The following B3GALT1 variants were observed in gnomAD, a reference collection of about 807,000 sequenced individuals.
The protein encoded by B3GALT1 is beta-1,3-galactosyltransferase 1.
B3GALT1 carries 10 observed loss-of-function variants against 23.2 expected under a neutral mutation model. That is an observed-to-expected ratio of 0.43 (90% CI 0.27 to 0.73). B3GALT1 has a LOEUF of 0.73. B3GALT1 is among the 30% of genes least tolerant of loss of function. The probability of loss-of-function intolerance (pLI) is 0.21; values close to 1 mark genes in which losing one functional copy is unlikely to be tolerated. For synonymous variants in B3GALT1, 156 were observed against 141.5 expected, an observed-to-expected ratio of 1.10 and a Z score of -0.73; for missense variants, 299 against 405.4, an observed-to-expected ratio of 0.74 and a Z score of 2.25.
At chr2:167,312,936 A>T (rs1308851119) in intron 1 of B3GALT1, among the ~76,000 whole-genome samples, 1 of 152,118 alleles carries the variant, frequency 6.6e-6, no homozygotes, top group Non-Finnish European at 1.5e-5. Context: ...CATAAGTAGG[A>T]TAATTAAAAA....
chr2:167,323,043 T>G (rs2105494186), intron 1 of B3GALT1, among the ~76,000 whole-genome samples: 1 of 152,208 alleles, frequency 6.6e-6, no homozygotes, highest in South Asian at 2.1e-4. Context: ...ATGCCTCTAT[T>G]TTCCATTTTC....
At chr2:167,515,454 A>G (rs561646612) in intron 2 of B3GALT1, among the ~76,000 whole-genome samples, 6 of 152,298 alleles carry the variant, frequency 3.9e-5, no homozygotes, top group East Asian at 3.9e-4. Context: ...GAATAGTGTT[A>G]GTTAACACAG....
At chr2:167,863,640 C>T (rs1690149427) in intron 4 of B3GALT1, among the ~76,000 whole-genome samples, 1 of 152,168 alleles carries the variant, frequency 6.6e-6, no homozygotes, top group East Asian at 1.9e-4. Context: ...TTTAGAGTTC[C>T]GTGCATCATG....
chr2:167,712,528 C>T (rs1253151698), intron 3 of B3GALT1, among the ~76,000 whole-genome samples: 1 of 151,770 alleles, frequency 6.6e-6, no homozygotes, highest in African/African-American at 2.4e-5. Flanking sequence ...CTCAGCTTGG[C>T]CCATGCTTGA....
chr2:167,352,977 AT>A (rs2105257078), intron 1 of B3GALT1, among the ~76,000 whole-genome samples: 1 of 152,310 alleles, frequency 6.6e-6, no homozygotes, highest in African/African-American at 2.4e-5. Flanking sequence ...CCAAGAGATT[AT>A]TGATAATATA....
At chr2:167,368,279 T>A (rs1002737771) in intron 1 of B3GALT1, among the ~76,000 whole-genome samples, 1 of 152,162 alleles carries the variant, frequency 6.6e-6, no homozygotes, top group South Asian at 2.1e-4. Flanking sequence ...TTTATCCCAA[T>A]TTTTTTATTG....
At chr2:167,845,723 C>T (rs1689743367) in intron 4 of B3GALT1, among the ~76,000 whole-genome samples, 1 of 150,078 alleles carries the variant, frequency 6.7e-6, no homozygotes, top group Admixed American at 6.7e-5. Flanking sequence ...CCCGCAACAA[C>T]AAAATCACAC....
At chr2:167,652,727 T>C (rs949064314) in intron 3 of B3GALT1, among the ~76,000 whole-genome samples, 1 of 152,180 alleles carries the variant, frequency 6.6e-6, no homozygotes, top group African/African-American at 2.4e-5. Flanking sequence ...CCCTCTATAA[T>C]AGGTGCTTTT....
At chr2:167,633,107 C>T (rs894817937) in intron 2 of B3GALT1, among the ~76,000 whole-genome samples, 2 of 151,888 alleles carry the variant, frequency 1.3e-5, no homozygotes, top group African/African-American at 2.4e-5. Flanking sequence ...AGTTGGAAAA[C>T]AGTGTTCAGG....
intron 2 of B3GALT1, among the ~76,000 whole-genome samples, chr2:167,548,685 AGTGTGTGT>A (rs71031297): frequency 3.4e-4 from 49 of 144,810 alleles, no homozygotes; most frequent in Middle Eastern, 3.4e-3. Context: ...CGTGTGTGTG[AGTGTGTGT>A]GTGTGTGTGT....
At chr2:167,838,877 G>A (rs543534274) in intron 4 of B3GALT1, among the ~76,000 whole-genome samples, 44 of 152,176 alleles carry the variant, frequency 2.9e-4, no homozygotes, top group Admixed American at 9.2e-4. Flanking sequence ...TTCAATATAC[G>A]CAAATCAATA....
intron 1 of B3GALT1, among the ~76,000 whole-genome samples, chr2:167,426,622 C>G (rs1334852442): frequency 2.0e-5 from 3 of 152,060 alleles, no homozygotes; most frequent in Admixed American, 2.0e-4. Flanking sequence ...TTTCCACTAC[C>G]CAGCACATTG....
At chr2:167,811,422 T>C (rs1040605925) in intron 3 of B3GALT1, among the ~76,000 whole-genome samples, 6 of 152,352 alleles carry the variant, frequency 3.9e-5, no homozygotes, top group African/African-American at 1.2e-4. Flanking sequence ...AAGGAAAATA[T>C]GTCCAATTTG....
chr2:167,793,864 G>A (rs1279836311), intron 3 of B3GALT1, among the ~76,000 whole-genome samples: 1 of 152,182 alleles, frequency 6.6e-6, no homozygotes, highest in Non-Finnish European at 1.5e-5. Flanking sequence ...AATTCCCTGA[G>A]CACATTTCCT....
intron 1 of B3GALT1, among the ~76,000 whole-genome samples, chr2:167,301,028 A>G (rs1696435402): frequency 2.6e-5 from 4 of 152,174 alleles, no homozygotes. Context: ...AAAGAGGCTC[A>G]TATTCATCAT....
At chr2:167,431,167 T>C (rs1482149391) in intron 1 of B3GALT1, among the ~76,000 whole-genome samples, 2 of 152,192 alleles carry the variant, frequency 1.3e-5, no homozygotes, top group African/African-American at 4.8e-5. Flanking sequence ...TGAATAATCA[T>C]CCGACCTTCA....
intron 1 of B3GALT1, among the ~76,000 whole-genome samples, chr2:167,329,583 T>C (rs1180798365): frequency 2.0e-5 from 3 of 152,206 alleles, no homozygotes; most frequent in Admixed American, 6.5e-5. Flanking sequence ...CCACTATTAT[T>C]GTACTGCAGT....
intron 1 of B3GALT1, among the ~76,000 whole-genome samples, chr2:167,456,636 C>G (rs1426384848): frequency 6.6e-6 from 1 of 152,158 alleles, no homozygotes; most frequent in Non-Finnish European, 1.5e-5. Context: ...TCGAATCCCC[C>G]CTCAGGTTTG....
intron 2 of B3GALT1, among the ~76,000 whole-genome samples, chr2:167,620,590 A>C (rs1685237620): frequency 1.3e-5 from 2 of 152,118 alleles, no homozygotes; most frequent in Admixed American, 6.6e-5. Flanking sequence ...TTGTAACCCC[A>C]AAATGTGCCC....
Sources: gnomAD v4.1 joint callset for allele counts (sites outside exome capture counted in the v4.1 genomes callset) on GRCh38, gnomAD v4.1.1 for gene constraint, MANE v1.5 for transcripts, NCBI Gene and HGNC (gene_info 2026-07-23, HGNC 2026-07-21) for gene names.